NLRP5: variants seen among roughly 807,000 people sequenced by gnomAD.
NLRP5 encodes NLR family pyrin domain containing 5, also known as NACHT, LRR and PYD domains-containing protein 5.
In NLRP5, 93 loss-of-function variants were observed where a neutral mutation model predicts 113.1. The observed-to-expected ratio is 0.82, with a 90% CI of 0.70 to 0.98. NLRP5 has a LOEUF of 0.98. NLRP5 is among the 50% of genes least tolerant of loss of function. The pLI is 0.00. For missense variants in NLRP5, 1,808 were observed against 1,514.3 expected (o/e 1.19, Z -3.22); for synonymous variants, 751 against 600.7 (o/e 1.25, Z -3.66).
At chr19:56,019,278 G>T (rs1353348815) in intron 4 of NLRP5, 64 bp from the exon 5 acceptor site, 41 of 1,542,440 alleles carry the variant, frequency 2.7e-5, no homozygotes, top group Non-Finnish European at 3.6e-5. Flanking sequence ...TATCTTGGGG[G>T]TGTCTGACAT....
chr19:56,010,857 A>G (rs1982161706), intron 3 of NLRP5, among the ~76,000 whole-genome samples: 1 of 151,564 alleles, frequency 6.6e-6, no homozygotes, highest in Admixed American at 6.6e-5. Flanking sequence ...TTTGGCATAA[A>G]AAGGAATGAT....
chr19:56,007,895 G>GTGTGCA lies in NLRP5; in HGVS notation c.443-893_443-892insTGTGCA, dbSNP rs1555764375. 1.3e-3 allele frequency among the ~76,000 whole-genome samples: 76 copies of GTGTGCA among 58,516 alleles called. 2 individuals carry two copies. The East Asian group carries it at 0.019, about 15-fold the overall frequency. 38.4% of individuals were successfully genotyped at this position (58,516 alleles called of 152,430 possible). ...TGTGTGTGTGTGTGTGTGTGCGCGT[G>GTGTGCA]CGCGCGTGCGTGTGTGTGTGTGTGT... On this transcript the variant is annotated intron_variant, in intron 2 of 14. Transcript: ENST00000390649.
chr19:56,038,650 C>G (rs1983407437), intron 10 of NLRP5, among the ~76,000 whole-genome samples: 1 of 152,046 alleles, frequency 6.6e-6, no homozygotes, highest in Non-Finnish European at 1.5e-5. Context: ...CACAGAGAGG[C>G]TCAAAAAGGA....
At chr19:56,008,518 A>G (rs1396424922) in intron 2 of NLRP5, among the ~76,000 whole-genome samples, 1 of 152,172 alleles carries the variant, frequency 6.6e-6, no homozygotes, top group Non-Finnish European at 1.5e-5. Context: ...CTTAATCACC[A>G]CAATTAACCT....
intron 10 of NLRP5, among the ~76,000 whole-genome samples, chr19:56,039,261 C>T (rs1443527149): frequency 6.6e-6 from 1 of 152,180 alleles, no homozygotes; most frequent in African/African-American, 2.4e-5. Flanking sequence ...AGCCACCCAG[C>T]GTGGCAGCCA....
chr19:56,054,838 C>T (rs1984070272), intron 13 of NLRP5, among the ~76,000 whole-genome samples: 1 of 151,984 alleles, frequency 6.6e-6, no homozygotes, highest in South Asian at 2.1e-4. Context: ...GGCTGCAGCG[C>T]ACTGTGAACT....
At chr19:56,048,201 C>G (rs571189056) in intron 11 of NLRP5, among the ~76,000 whole-genome samples, 11 of 152,210 alleles carry the variant, frequency 7.2e-5, no homozygotes, top group African/African-American at 2.6e-4. Context: ...GCGTTTGGAC[C>G]GTTTACATTC....
chr19:56,033,535 A>G lies in NLRP5; in HGVS notation c.2448-7A>G, dbSNP rs776152160. 6.2e-7 allele frequency: 1 copy of G among 1,608,040 alleles called. No homozygotes were observed. The highest frequency in any genetic ancestry group is 8.5e-7 in the Non-Finnish European group (1 of 1,176,548). On this transcript the variant is annotated splice_polypyrimidine_tract_variant and splice_region_variant and intron_variant, in intron 8 of 14. Transcript: ENST00000390649. ...GTGTCGAATGTGTCTCCCCTTCCCC[A>G]TTGCAGGTTTAGAAATGCACAGATT...
the NLRP5 span, among the ~76,000 whole-genome samples, chr19:55,990,642 C>T: frequency 1.3e-5 from 2 of 151,810 alleles, no homozygotes; most frequent in South Asian, 2.1e-4. Flanking sequence ...CTGGCTAACA[C>T]GGTGAAACCC....
At chr19:55,988,904 CAG>C in the NLRP5 span, among the ~76,000 whole-genome samples, 7 of 152,030 alleles carry the variant, frequency 4.6e-5, no homozygotes, top group Admixed American at 6.6e-5. Flanking sequence ...TATGTTAACT[CAG>C]AAGGGGGAGA....
rs369622191 is a variant in NLRP5, at chr19:56,043,542, CTTTT to C, written c.2957+2488_2957+2491del. Among the ~76,000 whole-genome samples the C allele has an allele frequency of 8.6e-5, 8 of 92,962 alleles. 1 individual carries two copies. In the East Asian group the frequency reaches 1.9e-3, roughly 22 times the overall value. The allele number at this position is 92,962 out of a possible 152,430, so 61.0% of individuals were successfully genotyped here. A position where few individuals can be genotyped will look rare whatever the true frequency, so the allele number is the denominator to read the frequency against. On this transcript the variant is annotated intron_variant, in intron 11 of 14. Transcript: ENST00000390649. ...TGGATTGTCTGTTTACTCTGCTATTCTTTTTTTTTTTTTTTTTTTTTTTTTTTTT... is the reference window on the plus strand; with the variant it reads ...TGGATTGTCTGTTTACTCTGCTATTCTTTTTTTTTTTTTTTTTTTTTTTTT...
At chr19:56,029,409 G>C (rs1983006636) in intron 7 of NLRP5, among the ~76,000 whole-genome samples, 1 of 151,988 alleles carries the variant, frequency 6.6e-6, no homozygotes, top group African/African-American at 2.4e-5. Flanking sequence ...TGGGATTATA[G>C]GCAGTGCCAC....
chr19:56,034,257 C>T (rs1964380), intron 9 of NLRP5, among the ~76,000 whole-genome samples: 1 of 152,088 alleles, frequency 6.6e-6, no homozygotes, highest in African/African-American at 2.4e-5. Flanking sequence ...GGCGTGGCAG[C>T]CACCTGTAAT....
At chr19:56,043,542 CTTTTTTTTTTTTTTTTTTTT>C (rs369622191) in intron 11 of NLRP5, among the ~76,000 whole-genome samples, 32 of 92,944 alleles carry the variant, frequency 3.4e-4, no homozygotes, top group African/African-American at 1.2e-3. Flanking sequence ...CTCTGCTATT[CTTTTTTTTTTTTTTTTTTTT>C]TTTTTTTTTT....
chr19:56,010,755 A>AAAAAAAAAAAAAAAAAAAAAAAAAGT (rs78321861), intron 3 of NLRP5, among the ~76,000 whole-genome samples: 1 of 125,980 alleles, frequency 7.9e-6, no homozygotes, highest in African/African-American at 3.0e-5. Flanking sequence ...AAAAAAAAAA[A>AAAAAAAAAAAAAAAAAAAAAAAAAGT]GTCCCTTGAA....
intron 2 of NLRP5, among the ~76,000 whole-genome samples, chr19:56,008,493 A>G (rs1982037720): frequency 6.6e-6 from 1 of 151,848 alleles, no homozygotes; most frequent in Non-Finnish European, 1.5e-5. Flanking sequence ...CTTGAGGAGG[A>G]CTCCTGAAAA....
At chr19:55,998,223 G>A (rs1212767040), upstream of NLRP5, among the ~76,000 whole-genome samples, 1 of 152,084 alleles carries the variant, frequency 6.6e-6, no homozygotes, top group African/African-American at 2.4e-5. Context: ...CAGGTGTGGG[G>A]TGTGCACCTG....
chr19:56,060,194 A>G (rs1467429134), intron 14 of NLRP5, among the ~76,000 whole-genome samples: 1 of 152,190 alleles, frequency 6.6e-6, no homozygotes, highest in Non-Finnish European at 1.5e-5. Context: ...TAGTAGTTGA[A>G]GTAGGATAGA....
At chr19:56,033,350 G>C (rs568068234) in intron 8 of NLRP5, among the ~76,000 whole-genome samples, 192 bp from the exon 9 acceptor site, 1 of 152,122 alleles carries the variant, frequency 6.6e-6, no homozygotes, top group Non-Finnish European at 1.5e-5. Flanking sequence ...CCCAAGGCAG[G>C]GATTGTTAAT....
Sources: gnomAD v4.1 joint callset for allele counts (sites outside exome capture counted in the v4.1 genomes callset) on GRCh38, gnomAD v4.1.1 for gene constraint, MANE v1.5 for transcripts, NCBI Gene and HGNC (gene_info 2026-07-23, HGNC 2026-07-21) for gene names.